The following MEGF11 variants were observed in gnomAD, a reference collection of about 807,000 sequenced individuals.
MEGF11 encodes multiple EGF like domains 11, also known as multiple epidermal growth factor-like domains protein 11.
MEGF11 carries 126 observed loss-of-function variants against 146.6 expected under a neutral mutation model. The observed-to-expected ratio is 0.86, with a 90% CI of 0.74 to 1.00. MEGF11 has a LOEUF of 1.00. MEGF11 is among the 50% of genes least tolerant of loss of function. The probability of loss-of-function intolerance (pLI) is 0.00; values close to 1 mark genes in which losing one functional copy is unlikely to be tolerated. For missense variants in MEGF11, 1,509 were observed against 1,521.2 expected (o/e 0.99, Z 0.13); for synonymous variants, 532 against 583.4 (o/e 0.91, Z 1.27).
At chr15:66,250,409 C>T (rs1008034216) in intron 1 of MEGF11, among the ~76,000 whole-genome samples, 12 of 152,192 alleles carry the variant, frequency 7.9e-5, no homozygotes, top group East Asian at 3.8e-4. Context: ...CTCTGTTCTA[C>T]GACTAAACTT....
chr15:66,093,404 A>G (rs545570067), intron 5 of MEGF11, among the ~76,000 whole-genome samples: 45 of 152,350 alleles, frequency 3.0e-4, no homozygotes, highest in Non-Finnish European at 4.7e-4. Context: ...CTAAGTTTTC[A>G]TGACTATGGT....
At chr15:66,211,537 A>T (rs1217357277) in intron 1 of MEGF11, among the ~76,000 whole-genome samples, 1 of 151,772 alleles carries the variant, frequency 6.6e-6, no homozygotes, top group Non-Finnish European at 1.5e-5. Flanking sequence ...AAAAAAAAAA[A>T]AAAAGAAAAT....
chr15:66,245,328 G>T (rs1221570792), intron 1 of MEGF11, among the ~76,000 whole-genome samples: 3 of 151,978 alleles, frequency 2.0e-5, no homozygotes, highest in Non-Finnish European at 4.4e-5. Context: ...ATAATGAGTT[G>T]GTTAAAACAA....
At chr15:65,943,743 A>G (rs2080090336) in intron 10 of MEGF11, among the ~76,000 whole-genome samples, 1 of 152,214 alleles carries the variant, frequency 6.6e-6, no homozygotes, top group Non-Finnish European at 1.5e-5. Context: ...CATGTCAGAC[A>G]TCTGGGCTGA....
At chr15:65,965,271 T>A in intron 8 of MEGF11, 151 bp from the exon 9 acceptor site, 1 of 598,014 alleles carries the variant, frequency 1.7e-6, no homozygotes, top group Non-Finnish European at 2.9e-6. Flanking sequence ...TCTCTCCTCC[T>A]CCAGGAAGTA....
intron 1 of MEGF11, among the ~76,000 whole-genome samples, chr15:66,251,850 C>G (rs1046129389): frequency 3.3e-5 from 5 of 152,214 alleles, no homozygotes; most frequent in Non-Finnish European, 7.3e-5. Context: ...CCTCGAATTT[C>G]TAGCGGCTTA....
At chr15:66,177,610 C>A (rs926179155) in intron 1 of MEGF11, among the ~76,000 whole-genome samples, 1 of 151,648 alleles carries the variant, frequency 6.6e-6, no homozygotes, top group Non-Finnish European at 1.5e-5. Context: ...CTGTAAGTAT[C>A]GTGAGCTCCA....
rs1176507961 is a variant in MEGF11 at position 65,982,239 on chromosome 15, C to A, written c.641+3G>T. 3.3e-6 allele frequency: 5 copies of A among 1,527,062 alleles called. No homozygotes were observed. In the East Asian group the frequency reaches 1.0e-4, roughly 31 times the overall value. The allele number at this position is 1,527,062 out of a possible 1,614,324, so 94.6% of individuals were successfully genotyped here. On this transcript the variant is annotated splice_donor_region_variant and intron_variant, in intron 6 of 25. Transcript: ENST00000395614. The surrounding 1 kb of genome is among the most constrained non-coding windows in gnomAD (Gnocchi z 5.6). ...CCCCTCCAGGTCCTGCCGCATGACT[C>A]ACTAGACGCCGGTGTAGCCAGGTGC...
At chr15:66,107,955 C>T (rs559938783) in intron 4 of MEGF11, among the ~76,000 whole-genome samples, 60 of 143,650 alleles carry the variant, frequency 4.2e-4, no homozygotes, top group African/African-American at 1.7e-3. Context: ...GCAATCAAGA[C>T]AGGGCCGGGG....
At chr15:66,119,993 A>AT (rs1379890516) in intron 3 of MEGF11, among the ~76,000 whole-genome samples, 1 of 151,892 alleles carries the variant, frequency 6.6e-6, no homozygotes, top group Non-Finnish European at 1.5e-5. Flanking sequence ...CTTTTATTCT[A>AT]TTTTTTTATG....
At position 65,958,390 on chromosome 15, in the gene MEGF11, G is replaced by A. The variant is rs115722283; in HGVS notation, c.1113-669C>T. On this transcript the variant is annotated intron_variant, in intron 9 of 25. Coordinates refer to ENST00000395614, the MANE Select transcript of MEGF11 (RefSeq NM_001385028.1). The stretch of plus-strand genomic sequence containing the variant: ...GGATCCCTGGCATGACCTCCAGAGA[G>A]TAGGGCAACCTCTAGCTGGCAGCCA... Among the ~76,000 whole-genome samples, 1,138 of 152,222 alleles carry A rather than the reference G, an allele frequency of 7.5e-3. 12 individuals carry two copies. Among genetic ancestry groups the A allele is most frequent in the South Asian group, 0.048 (232 of 4,834 alleles).
chr15:66,018,170 C>T (rs1400520456), intron 5 of MEGF11, among the ~76,000 whole-genome samples: 1 of 152,064 alleles, frequency 6.6e-6, no homozygotes, highest in Non-Finnish European at 1.5e-5. Context: ...GGCCACAGAG[C>T]CGGGGAGTCT....
intron 5 of MEGF11, among the ~76,000 whole-genome samples, chr15:66,088,033 C>G (rs1276769489): frequency 6.6e-6 from 1 of 152,168 alleles, no homozygotes; most frequent in Non-Finnish European, 1.5e-5. Context: ...ACATTGAAGG[C>G]TACTATGAAC....
chr15:66,229,978 T>C (rs532032494), intron 1 of MEGF11, among the ~76,000 whole-genome samples: 4 of 152,334 alleles, frequency 2.6e-5, no homozygotes, highest in Admixed American at 2.6e-4. Flanking sequence ...GAACTTCCTG[T>C]CCTGTTGGGA....
At chr15:65,993,584 C>T (rs2082117579) in intron 5 of MEGF11, among the ~76,000 whole-genome samples, 1 of 152,214 alleles carries the variant, frequency 6.6e-6, no homozygotes, top group Non-Finnish European at 1.5e-5. Context: ...TGGTCCTGCA[C>T]CCTCCCCGAC....
intron 10 of MEGF11, among the ~76,000 whole-genome samples, chr15:65,954,295 C>G (rs2080501881): frequency 6.6e-6 from 1 of 152,198 alleles, no homozygotes; most frequent in African/African-American, 2.4e-5. Flanking sequence ...GACTGCGGGA[C>G]ATCTTGAGGC....
intron 5 of MEGF11, among the ~76,000 whole-genome samples, chr15:66,025,081 G>C (rs891317773): frequency 6.6e-6 from 1 of 152,040 alleles, no homozygotes; most frequent in South Asian, 2.1e-4. Flanking sequence ...GATGAATTCC[G>C]GCCAGGTCTG....
At chr15:66,225,053 C>T (rs547838850) in intron 1 of MEGF11, among the ~76,000 whole-genome samples, 122 of 152,318 alleles carry the variant, frequency 8.0e-4, no homozygotes, top group African/African-American at 2.8e-3. Context: ...TGGCCATTCC[C>T]GAGACCCTGA....
intron 12 of MEGF11, among the ~76,000 whole-genome samples, chr15:65,928,790 G>A (rs2079466658): frequency 6.6e-6 from 1 of 152,008 alleles, no homozygotes; most frequent in Non-Finnish European, 1.5e-5. Context: ...GGAGTATGAG[G>A]TTGAGAAGGA....
Sources: gnomAD v4.1 joint callset for allele counts (sites outside exome capture counted in the v4.1 genomes callset) on GRCh38, gnomAD v4.1.1 for gene constraint, Gnocchi (gnomAD v3.1) non-coding constraint, MANE v1.5 for transcripts, NCBI Gene and HGNC (gene_info 2026-07-23, HGNC 2026-07-21) for gene names.